LRGUK: variants seen among roughly 807,000 people sequenced by gnomAD.
LRGUK encodes leucine rich repeats and guanylate kinase domain containing.
Under a neutral mutation model 76.0 loss-of-function variants are expected in LRGUK, and 65 were observed. The ratio of observed to expected loss-of-function variants is 0.85; its 90% CI spans 0.70 to 1.05. The LOEUF is 1.05. Among genes scored for constraint, LRGUK ranks in the 50% least tolerant of loss-of-function variants. The pLI, the probability that LRGUK is intolerant of heterozygous loss-of-function variation, is 0.00. For missense variants in LRGUK, 758 were observed against 732.8 expected, an observed-to-expected ratio of 1.03 and a Z score of -0.40; for synonymous variants, 268 against 265.6, an observed-to-expected ratio of 1.01 and a Z score of -0.09.
downstream of LRGUK, among the ~76,000 whole-genome samples, chr7:134,211,896 A>T (rs772300230): frequency 1.3e-4 from 20 of 152,140 alleles, no homozygotes; most frequent in Non-Finnish European, 2.8e-4. Flanking sequence ...TCTCAGAGAG[A>T]CTGGGGGCCA....
At chr7:134,167,186 C>G (rs1437249405) in intron 7 of LRGUK, among the ~76,000 whole-genome samples, 1 of 152,188 alleles carries the variant, frequency 6.6e-6, no homozygotes, top group Non-Finnish European at 1.5e-5. Context: ...TCCTTACACC[C>G]AAAGGTGATG....
At chr7:134,147,103 A>C (rs780574261) in intron 4 of LRGUK, among the ~76,000 whole-genome samples, 1 of 152,112 alleles carries the variant, frequency 6.6e-6, no homozygotes, top group South Asian at 2.1e-4. Context: ...TTGAAGAGGC[A>C]TTGCCTGGAA....
chr7:134,160,611 T>C (rs17167541), intron 6 of LRGUK, among the ~76,000 whole-genome samples: 20,040 of 152,248 alleles, frequency 0.13, 1,665 homozygotes, highest in East Asian at 0.32. Context: ...AATTCTCGAA[T>C]GTCAACTTTT....
intron 16 of LRGUK, among the ~76,000 whole-genome samples, chr7:134,244,607 G>T (rs1802245837): frequency 1.3e-5 from 2 of 152,202 alleles, no homozygotes; most frequent in South Asian, 4.1e-4. Context: ...CTGTTGGTGG[G>T]ACTGTAAACT....
chr7:134,210,524 G>A (rs902181989), downstream of LRGUK, among the ~76,000 whole-genome samples: 7 of 152,070 alleles, frequency 4.6e-5, no homozygotes, highest in Admixed American at 3.3e-4. Context: ...TAAAACTCCC[G>A]TCAATGGTGA....
intron 16 of LRGUK, among the ~76,000 whole-genome samples, chr7:134,223,851 GC>G (rs1801664370): frequency 6.6e-6 from 1 of 152,082 alleles, no homozygotes; most frequent in African/African-American, 2.4e-5. Context: ...TGAACGCCTG[GC>G]CCCAAGTGAT....
chr7:134,197,428 G>A (rs1042074806), intron 13 of LRGUK, among the ~76,000 whole-genome samples: 3 of 152,142 alleles, frequency 2.0e-5, no homozygotes, highest in Admixed American at 6.5e-5. Flanking sequence ...ACTGCCACTC[G>A]AGCTTTATTT....
chr7:134,177,895 A>G (rs1375204735), intron 9 of LRGUK, among the ~76,000 whole-genome samples: 1 of 152,238 alleles, frequency 6.6e-6, no homozygotes, highest in Non-Finnish European at 1.5e-5. Flanking sequence ...AAGTAAAGAT[A>G]TGGCATATGA....
chr7:134,271,621 T>C, the LRGUK span, among the ~76,000 whole-genome samples: 2 of 151,972 alleles, frequency 1.3e-5, no homozygotes, highest in Admixed American at 1.3e-4. Flanking sequence ...CACTTGGAGT[T>C]GGTTAGAATT....
At chr7:134,205,174 T>C (rs1467587249) in intron 15 of LRGUK, among the ~76,000 whole-genome samples, 1 of 152,220 alleles carries the variant, frequency 6.6e-6, no homozygotes, top group East Asian at 1.9e-4. Flanking sequence ...AGTGCCCTTT[T>C]TTCAATCCTC....
chr7:134,214,808 ACACACACT>A (rs1205683430), downstream of LRGUK, among the ~76,000 whole-genome samples: 1 of 149,876 alleles, frequency 6.7e-6, no homozygotes, highest in African/African-American at 2.5e-5. Flanking sequence ...ACACACACAC[ACACACACT>A]TTGAAGAGCT....
At chr7:134,232,284 A>ATTT (rs199587725) in intron 16 of LRGUK, among the ~76,000 whole-genome samples, 11 of 145,870 alleles carry the variant, frequency 7.5e-5, no homozygotes, top group African/African-American at 2.5e-4. Flanking sequence ...TTTTTAATTT[A>ATTT]TTTTTTTTTT....
At chr7:134,260,356 T>C (rs1901214) in intron 19 of LRGUK, among the ~76,000 whole-genome samples, 65,618 of 152,030 alleles carry the variant, frequency 0.43, 14,619 homozygotes, top group South Asian at 0.56. Context: ...GTGTATTTTA[T>C]GGATGCTTTC....
chr7:134,142,964 T>A, intron 3 of LRGUK, 98 bp from the exon 4 acceptor site: 1 of 662,620 alleles, frequency 1.5e-6, no homozygotes. Context: ...GCAACTGTTA[T>A]AATTTTAAAA....
intron 18 of LRGUK, 44 bp from the exon 19 acceptor site, chr7:134,258,213 A>G: frequency 6.2e-7 from 1 of 1,611,798 alleles, no homozygotes. Flanking sequence ...TTAGTAGCGA[A>G]TAGTTTGGAT....
chr7:134,167,151 G>A (rs1799026140), intron 7 of LRGUK, among the ~76,000 whole-genome samples: 1 of 152,134 alleles, frequency 6.6e-6, no homozygotes, highest in Admixed American at 6.5e-5. Flanking sequence ...AAACAGGAGG[G>A]AGGACCCCTT....
At chr7:134,222,957 T>C (rs1418381918) in intron 16 of LRGUK, among the ~76,000 whole-genome samples, 1 of 152,158 alleles carries the variant, frequency 6.6e-6, no homozygotes. Context: ...CAGTGTTCAG[T>C]GGTCAAAAGA....
chr7:134,153,296 T>G (rs1798309430), intron 5 of LRGUK, among the ~76,000 whole-genome samples: 1 of 152,132 alleles, frequency 6.6e-6, no homozygotes, highest in Non-Finnish European at 1.5e-5. Flanking sequence ...TTGTTAACTA[T>G]AAGATACCAA....
intron 16 of LRGUK, among the ~76,000 whole-genome samples, chr7:134,230,784 T>C (rs1801870830): frequency 6.6e-6 from 1 of 152,130 alleles, no homozygotes; most frequent in African/African-American, 2.4e-5. Context: ...AAACAGGCAA[T>C]ATTAAACCAC....
Sources: gnomAD v4.1 joint callset for allele counts (sites outside exome capture counted in the v4.1 genomes callset) on GRCh38, gnomAD v4.1.1 for gene constraint, MANE v1.5 for transcripts, NCBI Gene and HGNC (gene_info 2026-07-23, HGNC 2026-07-21) for gene names.